Variants in FCHSD2 observed in about 807,000 individuals in gnomAD.
FCHSD2 encodes F-BAR and double SH3 domains protein 2.
In FCHSD2, 38 loss-of-function variants were observed where a neutral mutation model predicts 108.1. The ratio of observed to expected loss-of-function variants is 0.35; its 90% confidence interval spans 0.27 to 0.46. The LOEUF is 0.46. Among genes scored for constraint, FCHSD2 ranks in the 20% least tolerant of loss-of-function variants. The probability of loss-of-function intolerance (pLI) is 1.00; values close to 1 mark genes in which losing one functional copy is unlikely to be tolerated. For synonymous variants in FCHSD2, 279 were observed against 314.7 expected (o/e 0.89, Z 1.20); for missense variants, 751 against 897.8 (o/e 0.84, Z 2.09).
Position 72,887,493 on chromosome 11 carries a change from T to C in FCHSD2, c.1123A>G (p.Arg375Gly). The change falls in exon 12 of 20, where the codon AGA becomes GGA. Residue 375 changes from arginine (R) to glycine (G), a missense_variant. By Grantham distance (125) the Arg-to-Gly change is moderately radical. Coordinates refer to ENST00000409418, the MANE Select transcript of FCHSD2 (RefSeq NM_014824.3). ...ACCTCTGCTTTACGAATATTTTCTC[T>C]AGCTTCATCTATTTTCTGTTCTAGC... ...AELEQKIDEA[R>G]ENIRKAEIIK... is the part of the protein sequence containing the mutation. The C allele has an allele frequency of 2.5e-6, 4 of 1,605,782 alleles. No homozygotes were observed. In the Middle Eastern group the frequency reaches 5.0e-4, roughly 199 times the overall value.
intron 3 of FCHSD2, chr11:73,077,766 G>T: frequency 7.0e-6 from 2 of 284,580 alleles, no homozygotes; most frequent in Non-Finnish European, 1.4e-5. Flanking sequence ...TGGGAGAGAG[G>T]GATTATAAGG....
intron 10 of FCHSD2, chr11:72,900,222 C>T: frequency 1.1e-6 from 1 of 931,092 alleles, no homozygotes. Context: ...CCCACACTTC[C>T]CATCCCTCCC....
At chr11:72,881,798 T>C (rs1855093207) in intron 12 of FCHSD2, among the ~76,000 whole-genome samples, 1 of 152,246 alleles carries the variant, frequency 6.6e-6, no homozygotes, top group Non-Finnish European at 1.5e-5. Context: ...AAATATCACA[T>C]GTTCTCACTC....
At chr11:72,915,851 T>A (rs1476425270) in intron 9 of FCHSD2, among the ~76,000 whole-genome samples, 1 of 151,714 alleles carries the variant, frequency 6.6e-6, no homozygotes, top group Admixed American at 6.6e-5. Context: ...GAAAAGAAAA[T>A]GTGGTACATA....
chr11:73,129,319 G>A (rs1169754945), intron 2 of FCHSD2, among the ~76,000 whole-genome samples: 2 of 152,170 alleles, frequency 1.3e-5, no homozygotes, highest in Admixed American at 6.5e-5. Context: ...AACGGTCTGT[G>A]GCCTGTTAGG....
chr11:73,101,039 A>G (rs1591553564), intron 2 of FCHSD2, among the ~76,000 whole-genome samples: 1 of 152,042 alleles, frequency 6.6e-6, no homozygotes. Flanking sequence ...TTTAAAAAGT[A>G]CCTCTAAACC....
At chr11:73,000,823 A>G (rs1386307971) in intron 5 of FCHSD2, among the ~76,000 whole-genome samples, 167 bp downstream of exon 5, 1 of 152,234 alleles carries the variant, frequency 6.6e-6, no homozygotes, top group Non-Finnish European at 1.5e-5. Context: ...AGTTAATAAA[A>G]CATAGTACTT....
chr11:72,912,740 A>G (rs1334609358), intron 9 of FCHSD2, among the ~76,000 whole-genome samples: 2 of 152,196 alleles, frequency 1.3e-5, no homozygotes, highest in Admixed American at 1.3e-4. Flanking sequence ...TCAGCAGCAA[A>G]GCCACCCAGT....
intron 3 of FCHSD2, among the ~76,000 whole-genome samples, chr11:73,055,715 T>C (rs1261282068): frequency 6.6e-6 from 1 of 152,198 alleles, no homozygotes; most frequent in Non-Finnish European, 1.5e-5. Context: ...AACCATTATT[T>C]AAACAGACAA....
intron 2 of FCHSD2, among the ~76,000 whole-genome samples, chr11:73,108,616 C>T (rs1347668987): frequency 3.3e-5 from 5 of 152,142 alleles, no homozygotes; most frequent in African/African-American, 7.2e-5. Flanking sequence ...GGCCGGACTG[C>T]GGACTGCAGT....
intron 3 of FCHSD2, among the ~76,000 whole-genome samples, chr11:73,042,716 T>C (rs990322915): frequency 6.6e-6 from 1 of 152,168 alleles, no homozygotes; most frequent in African/African-American, 2.4e-5. Context: ...ATTTTGTGTG[T>C]TCTCTTTAAT....
At chr11:73,031,906 A>C (rs1177992044) in intron 3 of FCHSD2, among the ~76,000 whole-genome samples, 2 of 152,212 alleles carry the variant, frequency 1.3e-5, no homozygotes, top group East Asian at 3.8e-4. Context: ...GAATAGCAAT[A>C]AACATTATGG....
At chr11:73,074,305 T>C (rs1173264881) in intron 3 of FCHSD2, among the ~76,000 whole-genome samples, 3 of 152,160 alleles carry the variant, frequency 2.0e-5, no homozygotes, top group Non-Finnish European at 4.4e-5. Flanking sequence ...GACTACATAA[T>C]ATCATAGAAT....
chr11:73,021,857 G>A (rs1319509337), intron 3 of FCHSD2, among the ~76,000 whole-genome samples: 1 of 152,162 alleles, frequency 6.6e-6, no homozygotes, highest in East Asian at 1.9e-4. Flanking sequence ...GGGAGGTGGA[G>A]TCATGAGGAT....
chr11:73,140,618 A>G (rs1289963677), intron 1 of FCHSD2, among the ~76,000 whole-genome samples: 3 of 152,246 alleles, frequency 2.0e-5, no homozygotes, highest in Non-Finnish European at 4.4e-5. Flanking sequence ...AATGGCTGCG[A>G]AAAAGCACAC....
chr11:73,055,364 T>C (rs867946653), intron 3 of FCHSD2, among the ~76,000 whole-genome samples: 1 of 150,202 alleles, frequency 6.7e-6, no homozygotes, highest in South Asian at 2.1e-4. Context: ...AAAATTCTGA[T>C]AAAGAAACAC....
At position 73,084,944 on chromosome 11, in the gene FCHSD2, T is replaced by C. The variant is rs1033128774; in HGVS notation, c.120-1204A>G. ...TGCACCAGTGCAAAGACCAAAGACATAAGAGTAAGAAGGAGGAAAAAAAAA... is the reference window on the plus strand; with the variant it reads ...TGCACCAGTGCAAAGACCAAAGACACAAGAGTAAGAAGGAGGAAAAAAAAA... On this transcript the variant is annotated intron_variant, in intron 2 of 19. Coordinates refer to ENST00000409418, the MANE Select transcript of FCHSD2 (RefSeq NM_014824.3). Among the ~76,000 whole-genome samples, 80 of 97,882 alleles carry C rather than the reference T, an allele frequency of 8.2e-4. 1 individual carries two copies. Among genetic ancestry groups the C allele is most frequent in the Non-Finnish European group, 1.3e-3 (63 of 49,108 alleles). The allele number at this position is 97,882 out of a possible 152,430, so 64.2% of individuals were successfully genotyped here. A position where few individuals can be genotyped will look rare whatever the true frequency, so the allele number is the denominator to read the frequency against.
At chr11:73,012,046 C>T (rs1266336181) in intron 4 of FCHSD2, among the ~76,000 whole-genome samples, 2 of 152,168 alleles carry the variant, frequency 1.3e-5, no homozygotes, top group African/African-American at 4.8e-5. Context: ...TACAGATACA[C>T]TTTCAGTGTA....
In FCHSD2 at chr11:72,921,936, A is replaced by G. The variant is rs1565324118; in HGVS notation, c.720T>C (p.Asn240=). The change falls in exon 9 of 20, where the codon AAT becomes AAC. Residue 240 remains asparagine, a synonymous_variant. Coordinates refer to ENST00000409418, the MANE Select transcript of FCHSD2 (RefSeq NM_014824.3). ...AATAATCCTTGAGATGATCATACACATTTCCATCAAGAGCCTGTAATAGAG... is the reference window on the plus strand; with the variant it reads ...AATAATCCTTGAGATGATCATACACGTTTCCATCAAGAGCCTGTAATAGAG... ...LVNIMKALDG[N]VYDHLKDYLI... The G allele has an allele frequency of 6.3e-7, 1 of 1,591,308 alleles. No individual in the cohort carries two copies. Among genetic ancestry groups the G allele is most frequent in the Non-Finnish European group, 8.6e-7 (1 of 1,167,344 alleles).
Sources: allele counts gnomAD v4.1 joint callset (sites outside exome capture counted in the v4.1 genomes callset), GRCh38; gene constraint gnomAD v4.1.1; transcripts MANE v1.5; gene names NCBI Gene and HGNC (gene_info 2026-07-23, HGNC 2026-07-21).